MSN: variants seen among roughly 807,000 people sequenced by gnomAD.
MSN encodes epididymis luminal protein 70.
Under a neutral mutation model 48.0 loss-of-function variants are expected in MSN, and 2 were observed. That is an observed-to-expected ratio of 0.04 (90% CI 0.02 to 0.13). MSN has a LOEUF of 0.13. Ranked by LOEUF, MSN falls within the 10% of genes least tolerant of loss-of-function variation. The pLI is 1.00. For missense variants in MSN, 267 were observed against 470.1 expected, an observed-to-expected ratio of 0.57 and a Z score of 3.99; for synonymous variants, 146 against 166.9, an observed-to-expected ratio of 0.87 and a Z score of 0.97.
At chrX:65,739,543 A>AT (rs201439852) in intron 12 of MSN, among the ~76,000 whole-genome samples, 186 bp from the exon 13 acceptor site, 11 of 110,236 alleles carry the variant, frequency 1.0e-4, no homozygotes, top group South Asian at 7.6e-4. Context: ...AAGTTTATTT[A>AT]TTTTTTTTTA....
intron 1 of MSN, among the ~76,000 whole-genome samples, chrX:65,675,995 GTCTTT>G (rs2070995171): frequency 8.9e-6 from 1 of 112,726 alleles, no homozygotes; most frequent in African/African-American, 3.2e-5. Flanking sequence ...ATGTGAGAGG[GTCTTT>G]TCTTCATGCT....
chrX:65,686,447 A>C, intron 1 of MSN, among the ~76,000 whole-genome samples: 1 of 112,947 alleles, frequency 8.9e-6, no homozygotes, highest in Non-Finnish European at 1.9e-5. Context: ...CTTCCCCTTC[A>C]GACAAACAGG....
rs190316652 is a variant in MSN, at chrX:65,715,125, G to A, written c.13-1693G>A. Among the ~76,000 whole-genome samples, 338 of 110,983 alleles carry A rather than the reference G, an allele frequency of 3.0e-3. 1 individual carries two copies. Among genetic ancestry groups the A allele is most frequent in the Non-Finnish European group, 5.5e-3 (291 of 52,960 alleles). ...TGTCGACTTTGTCAAAGATCAGATGGTTGTAGGTGTGTGGCCTTATTTCTG... is the reference window on the plus strand; with the variant it reads ...TGTCGACTTTGTCAAAGATCAGATGATTGTAGGTGTGTGGCCTTATTTCTG... On this transcript the variant is annotated intron_variant, in intron 1 of 12. Transcript: ENST00000360270.
chrX:65,611,398 G>A (rs771139505), intron 1 of MSN, among the ~76,000 whole-genome samples: 309 of 111,004 alleles, frequency 2.8e-3, no homozygotes, highest in African/African-American at 9.2e-3. Flanking sequence ...GACCTCAGGT[G>A]ATCCACCCAC....
intron 5 of MSN, 146 bp from the exon 6 acceptor site, chrX:65,731,691 TG>T: frequency 1.6e-6 from 1 of 618,533 alleles, no homozygotes; most frequent in South Asian, 3.4e-5. Flanking sequence ...TGCTGTGCTC[TG>T]TTCTCCATCA....
Position 65,729,494 on chromosome X carries a change from G to A in MSN, c.249G>A (p.Lys83=), listed in dbSNP as rs1287111959. Residue 83 remains lysine, a synonymous_variant, in exon 4 of 13, where the codon AAG becomes AAA. Coordinates refer to ENST00000360270, the MANE Select transcript of MSN (RefSeq NM_002444.3). Reference sequence around the variant, plus strand: ...CCCTGCTCTTTAAGTTCCGTGCCAAGTTCTACCCTGAGGATGTGTCCGAGG... The same window carrying A: ...CCCTGCTCTTTAAGTTCCGTGCCAAATTCTACCCTGAGGATGTGTCCGAGG... ...ESPLLFKFRA[K]FYPEDVSEEL... 2 of 1,209,771 alleles carry A rather than the reference G, an allele frequency of 1.7e-6. No homozygotes were observed. Among genetic ancestry groups the A allele is most frequent in the Non-Finnish European group, 1.1e-6 (1 of 895,262 alleles).
chrX:65,722,404 C>CGTGTGTGTGTGTGTGT (rs55900091), intron 2 of MSN, among the ~76,000 whole-genome samples: 3 of 94,696 alleles, frequency 3.2e-5, no homozygotes, highest in African/African-American at 1.3e-4. Flanking sequence ...CGTGCACGCT[C>CGTGTGTGTGTGTGTGT]GTGTGTGTGT....
intron 1 of MSN, among the ~76,000 whole-genome samples, chrX:65,602,869 T>C (rs1302874325): frequency 8.9e-6 from 1 of 112,071 alleles, no homozygotes; most frequent in African/African-American, 3.2e-5. Context: ...AGCTCCTTTA[T>C]GCCATCTGAA....
chrX:65,639,988 GAA>G (rs2070636542), intron 1 of MSN, among the ~76,000 whole-genome samples: 1 of 111,676 alleles, frequency 9.0e-6, no homozygotes, highest in East Asian at 2.8e-4. Context: ...GTGCCCCAGT[GAA>G]TGAGACCAGA....
intron 1 of MSN, among the ~76,000 whole-genome samples, chrX:65,609,019 T>A (rs2070299355): frequency 9.1e-6 from 1 of 110,092 alleles, no homozygotes; most frequent in Non-Finnish European, 1.9e-5. Context: ...AAAAGCCAAT[T>A]GGTAACTTAA....
intron 1 of MSN, among the ~76,000 whole-genome samples, chrX:65,697,135 A>G (rs925110087): frequency 9.5e-6 from 1 of 104,802 alleles, no homozygotes; most frequent in African/African-American, 3.6e-5. Flanking sequence ...TACGTGATAA[A>G]CCTTGTTCCC....
At chrX:65,638,823 G>A (rs1409709230) in intron 1 of MSN, among the ~76,000 whole-genome samples, 3 of 112,504 alleles carry the variant, frequency 2.7e-5, no homozygotes, top group African/African-American at 9.7e-5. Flanking sequence ...CAAAGTGCTG[G>A]GATTACAGGT....
intron 1 of MSN, among the ~76,000 whole-genome samples, chrX:65,651,607 T>C (rs2070743199): frequency 1.9e-5 from 2 of 105,218 alleles, no homozygotes; most frequent in African/African-American, 6.9e-5. Flanking sequence ...ATTATTTTGC[T>C]ATGGACTTTC....
At chrX:65,614,987 G>A (rs2070355725) in intron 1 of MSN, among the ~76,000 whole-genome samples, 2 of 96,718 alleles carry the variant, frequency 2.1e-5, no homozygotes, top group African/African-American at 7.8e-5. Flanking sequence ...AGTTTACTGA[G>A]AATGATGATT....
chrX:65,600,279 G>A (rs1163002418), intron 1 of MSN, among the ~76,000 whole-genome samples: 4 of 111,102 alleles, frequency 3.6e-5, no homozygotes, highest in Non-Finnish European at 7.5e-5. Flanking sequence ...GTCTCCCAAT[G>A]TTCGTGAGCA....
Position 65,737,258 on chromosome X carries a change from A to G in MSN, c.1171A>G (p.Lys391Glu). The change falls in exon 10 of 13, where the codon AAG (lysine) becomes GAG (glutamate). Residue 391 changes from lysine to glutamate, a missense_variant. This residue lies in a region of MSN where 70 missense variants were observed against 76.3 expected (regional missense o/e 0.92). Transcript: ENST00000360270. ...RAQSEAEKLA[K>E]ERQEAEEAKE... Reference sequence around the variant, plus strand: ...CCAGAGCGAGGCTGAAAAGCTGGCCAAGGAGCGTCAAGAAGCTGAAGAGGC... The same window carrying G: ...CCAGAGCGAGGCTGAAAAGCTGGCCGAGGAGCGTCAAGAAGCTGAAGAGGC... 1.7e-6 allele frequency: 2 copies of G among 1,210,923 alleles called. No individual in the cohort carries two copies. Among genetic ancestry groups the G allele is most frequent in the Non-Finnish European group, 1.1e-6 (1 of 895,204 alleles).
chrX:65,666,086 C>G (rs2070865911), upstream of MSN, among the ~76,000 whole-genome samples: 1 of 111,481 alleles, frequency 9.0e-6, no homozygotes, highest in African/African-American at 3.3e-5. Flanking sequence ...AATCTGGGCT[C>G]AGTGCAGCCT....
chrX:65,594,059 G>A (rs982527328), intron 1 of MSN, among the ~76,000 whole-genome samples: 3 of 111,698 alleles, frequency 2.7e-5, no homozygotes, highest in Admixed American at 1.9e-4. Flanking sequence ...AGAGGTTTCC[G>A]TTTAAGGAAC....
chrX:65,638,521 G>C (rs1383415208), intron 1 of MSN, among the ~76,000 whole-genome samples: 2 of 112,528 alleles, frequency 1.8e-5, no homozygotes, highest in African/African-American at 6.4e-5. Context: ...AGCAGGAGCA[G>C]CTGTAATCAG....
Sources: allele counts gnomAD v4.1 joint callset (sites outside exome capture counted in the v4.1 genomes callset), GRCh38; gene constraint gnomAD v4.1.1; regional missense constraint gnomAD v4.1.1; transcripts MANE v1.5; gene names NCBI Gene and HGNC (gene_info 2026-07-23, HGNC 2026-07-21).